Variants in STARD9 observed in about 807,000 individuals in gnomAD.
STARD9 encodes stAR-related lipid transfer protein 9.
A neutral mutation model predicts 399.8 loss-of-function variants in STARD9; 346 were observed. The ratio of observed to expected loss-of-function variants is 0.87; its 90% CI spans 0.79 to 0.95. The LOEUF (loss-of-function observed/expected upper bound fraction) is 0.95, where lower values mean the gene tolerates loss of function less well. Among genes scored for constraint, STARD9 ranks in the 40% least tolerant of loss-of-function variants. The pLI, the probability that STARD9 is intolerant of heterozygous loss-of-function variation, is 0.00. For synonymous variants in STARD9, 2,203 were observed against 2,143.5 expected, an observed-to-expected ratio of 1.03 and a Z score of -0.77; for missense variants, 5,832 against 5,667.5, an observed-to-expected ratio of 1.03 and a Z score of -0.93.
intron 4 of STARD9, among the ~76,000 whole-genome samples, chr15:42,635,548 C>G (rs993520855): frequency 9.3e-4 from 141 of 152,182 alleles, no homozygotes; most frequent in African/African-American, 3.3e-3. Flanking sequence ...CCAGGATGGT[C>G]TCAATCTCCT....
intron 3 of STARD9, among the ~76,000 whole-genome samples, chr15:42,600,956 G>A (rs1468657405): frequency 6.6e-6 from 1 of 151,580 alleles, no homozygotes; most frequent in Non-Finnish European, 1.5e-5. Context: ...TGGAGGGAAG[G>A]TCAGCAGATA....
chr15:42,699,038 A>G (rs994275509), intron 26 of STARD9, among the ~76,000 whole-genome samples: 10 of 151,890 alleles, frequency 6.6e-5, no homozygotes, highest in African/African-American at 2.4e-4. Context: ...AAATTGTCTT[A>G]TTTTATTATA....
chr15:42,660,088 A>C (rs911890120), intron 9 of STARD9, among the ~76,000 whole-genome samples: 8 of 152,228 alleles, frequency 5.3e-5, no homozygotes, highest in African/African-American at 1.9e-4. Flanking sequence ...AATTATGTAC[A>C]GTGAAAAGAG....
chr15:42,691,513 TCTC>T lies in STARD9; in HGVS notation c.9936_9938del (p.Ser3313del). ...GGCTCACTTCCTGTGACTACAATCT[TCTC>T]TGGCCCCAAACACTCCAGGTCCTCC... On this transcript the variant is annotated inframe_deletion, in exon 23 of 33. Transcript: ENST00000290607. 1.3e-6 allele frequency: 2 copies of T among 1,537,190 alleles called. No individual in the cohort carries two copies. The highest frequency in any genetic ancestry group is 8.7e-7 in the Non-Finnish European group (1 of 1,146,902).
At chr15:42,652,757 C>G (rs1821202348) in intron 9 of STARD9, among the ~76,000 whole-genome samples, 165 bp downstream of exon 9, 1 of 152,160 alleles carries the variant, frequency 6.6e-6, no homozygotes, top group Non-Finnish European at 1.5e-5. Flanking sequence ...CTCACCTGAA[C>G]CTCTGCCTCC....
In STARD9 at chr15:42,636,669, A is replaced by G. The variant is rs115389917; in HGVS notation, c.352-1238A>G. Among the ~76,000 whole-genome samples the G allele has an allele frequency of 3.9e-3, 590 of 152,326 alleles. 3 individuals are homozygous for G. Among genetic ancestry groups the G allele is most frequent in the African/African-American group, 0.014 (566 of 41,564 alleles). On this transcript the variant is annotated intron_variant, in intron 4 of 32. Transcript: ENST00000290607. ...AATAAACACTACACAGGGACATTCT[A>G]TAGGACATGATTCCTCTTAGATGAT...
intron 15 of STARD9, 21 bp from the exon 16 acceptor site, chr15:42,669,137 T>A (rs1566919632): frequency 6.6e-7 from 1 of 1,509,368 alleles, no homozygotes; most frequent in Admixed American, 2.0e-5. Context: ...GTGTCTCAGA[T>A]CACCTCCTAT....
At chr15:42,658,393 C>T (rs967060991) in intron 9 of STARD9, among the ~76,000 whole-genome samples, 1 of 151,002 alleles carries the variant, frequency 6.6e-6, no homozygotes, top group African/African-American at 2.4e-5. Context: ...CCAGGCTGGT[C>T]TTAAATCCCT....
At position 42,697,222 on chromosome 15, in the gene STARD9, T is replaced by C. The variant is rs1486309720; in HGVS notation, c.13284+1342T>C. Among the ~76,000 whole-genome samples the C allele has an allele frequency of 1.3e-5, 2 of 152,170 alleles. 1 individual carries two copies. Among genetic ancestry groups the C allele is most frequent in the Non-Finnish European group, 2.9e-5 (2 of 68,034 alleles). On this transcript the variant is annotated intron_variant, in intron 26 of 32. Coordinates refer to ENST00000290607, the MANE Select transcript of STARD9 (RefSeq NM_020759.3). ...CACTTTGCTTTTTCTTTTAAAAATATCTTTGGGATATCATTGCATATCAGT... is the reference window on the plus strand; with the variant it reads ...CACTTTGCTTTTTCTTTTAAAAATACCTTTGGGATATCATTGCATATCAGT...
Position 42,628,225 on chromosome 15 carries a change from GTCT to G in STARD9, c.235-6626_235-6624del, listed in dbSNP as rs562275394. 4.0e-4 allele frequency among the ~76,000 whole-genome samples: 61 copies of G among 152,232 alleles called. No homozygotes were observed. In the South Asian group the frequency reaches 0.012, roughly 31 times the overall value. ...CTTTTTATATGTCTGTCATTTGTATGTCTTCTTTTGAGAAGTGTTTATTCAGAT... is the reference window on the plus strand; with the variant it reads ...CTTTTTATATGTCTGTCATTTGTATGTCTTTTGAGAAGTGTTTATTCAGAT... On this transcript the variant is annotated intron_variant, in intron 3 of 32. Transcript: ENST00000290607.
chr15:42,641,104 A>G (rs369780896), intron 7 of STARD9, among the ~76,000 whole-genome samples: 11 of 152,174 alleles, frequency 7.2e-5, no homozygotes, highest in Non-Finnish European at 1.0e-4. Context: ...CAACTCAGAA[A>G]ATATGACTCT....
chr15:42,618,827 C>T (rs2059026908), intron 3 of STARD9, among the ~76,000 whole-genome samples: 1 of 152,032 alleles, frequency 6.6e-6, no homozygotes, highest in African/African-American at 2.4e-5. Flanking sequence ...CTGCCTCGGC[C>T]TTTCAAAGTG....
intron 9 of STARD9, among the ~76,000 whole-genome samples, chr15:42,657,769 G>C (rs752772376): frequency 1.3e-5 from 2 of 152,206 alleles, no homozygotes; most frequent in Non-Finnish European, 2.9e-5. Flanking sequence ...TGTGGTGTTA[G>C]TGTTAAGATA....
chr15:42,637,313 A>G (rs1442980221), intron 4 of STARD9, among the ~76,000 whole-genome samples: 1 of 152,076 alleles, frequency 6.6e-6, no homozygotes, highest in African/African-American at 2.4e-5. Flanking sequence ...CCTGGGTTCA[A>G]GTGATCCTCC....
At chr15:42,597,525 G>A (rs773044818) in intron 3 of STARD9, among the ~76,000 whole-genome samples, 1 of 151,766 alleles carries the variant, frequency 6.6e-6, no homozygotes, top group Non-Finnish European at 1.5e-5. Flanking sequence ...CTGCCACCAT[G>A]CCTGGCTAAT....
chr15:42,692,054 C>A lies in STARD9; in HGVS notation c.10476C>A (p.Val3492=), dbSNP rs910058260. The change falls in exon 23 of 33, where the codon GTC becomes GTA. Residue 3492 remains valine (V), a synonymous_variant. Transcript: ENST00000290607. ...AGCAGTATATGTCTGGCAGTGCAGT[C>A]GATGTTTCCTGCAGCCAGAAGCCCC... ...SWKQYMSGSA[V]DVSCSQKPQG... is the part of the protein sequence containing the mutation. The A allele has an allele frequency of 3.9e-6, 6 of 1,537,188 alleles. No individual in the cohort carries two copies. The highest frequency in any genetic ancestry group is 4.4e-6 in the Non-Finnish European group (5 of 1,146,904).
chr15:42,679,607 T>G (rs745317134), intron 20 of STARD9, among the ~76,000 whole-genome samples: 23 of 152,210 alleles, frequency 1.5e-4, no homozygotes, highest in Non-Finnish European at 2.9e-4. Flanking sequence ...AAAGGCTGCG[T>G]TATGAAATCT....
chr15:42,701,246 T>C (rs1458499721), intron 26 of STARD9, among the ~76,000 whole-genome samples: 1 of 152,166 alleles, frequency 6.6e-6, no homozygotes, highest in Non-Finnish European at 1.5e-5. Flanking sequence ...CTTTTGTGGG[T>C]CCATATGAAT....
intron 3 of STARD9, among the ~76,000 whole-genome samples, chr15:42,620,612 T>A (rs974694494): frequency 6.6e-6 from 1 of 152,326 alleles, no homozygotes; most frequent in East Asian, 1.9e-4. Context: ...ACTTGTTGCA[T>A]TTAGTTATCT....
Sources: gnomAD v4.1 joint callset for allele counts (sites outside exome capture counted in the v4.1 genomes callset) on GRCh38, gnomAD v4.1.1 for gene constraint, MANE v1.5 for transcripts, NCBI Gene and HGNC (gene_info 2026-07-23, HGNC 2026-07-21) for gene names.